The following NRG3 variants were observed in gnomAD, a reference collection of about 807,000 sequenced individuals.
NRG3 encodes pro-neuregulin-3, membrane-bound isoform.
A neutral mutation model predicts 66.9 loss-of-function variants in NRG3; 31 were observed. That is an observed-to-expected ratio of 0.46 (90% CI 0.35 to 0.63). NRG3 has a LOEUF of 0.63. Ranked by LOEUF, NRG3 falls within the 20% of genes least tolerant of loss-of-function variation. The pLI, the probability that NRG3 is intolerant of heterozygous loss-of-function variation, is 0.00. For synonymous variants in NRG3, 393 were observed against 359.4 expected (o/e 1.09, Z -1.06); for missense variants, 910 against 878.9 (o/e 1.04, Z -0.45).
At chr10:82,589,715 G>A (rs1415379019) in intron 2 of NRG3, among the ~76,000 whole-genome samples, 1 of 152,110 alleles carries the variant, frequency 6.6e-6, no homozygotes, top group African/African-American at 2.4e-5. Flanking sequence ...AATGAATCAG[G>A]TAACTGAGAT....
At chr10:82,424,874 G>A (rs1446860073) in intron 2 of NRG3, among the ~76,000 whole-genome samples, 2 of 151,710 alleles carry the variant, frequency 1.3e-5, no homozygotes, top group African/African-American at 2.4e-5. Context: ...AGTTGTCTCA[G>A]CAGTTTATTT....
At chr10:82,018,051 G>T (rs1355924361) in intron 1 of NRG3, among the ~76,000 whole-genome samples, 1 of 151,974 alleles carries the variant, frequency 6.6e-6, no homozygotes, top group East Asian at 1.9e-4. Context: ...TTTCTTCTAG[G>T]GTTTTTATGG....
chr10:82,684,764 T>C (rs951839679), intron 2 of NRG3, among the ~76,000 whole-genome samples: 7 of 151,924 alleles, frequency 4.6e-5, no homozygotes, highest in African/African-American at 1.7e-4. Flanking sequence ...GGAGAGAGGA[T>C]CAAAGCTGTG....
At chr10:82,587,714 G>T (rs982701020) in intron 2 of NRG3, among the ~76,000 whole-genome samples, 2 of 152,186 alleles carry the variant, frequency 1.3e-5, no homozygotes. Flanking sequence ...CCATGAATCA[G>T]AGAGCACAGG....
chr10:82,289,664 A>G (rs563359937), intron 1 of NRG3, among the ~76,000 whole-genome samples: 1 of 152,278 alleles, frequency 6.6e-6, no homozygotes, highest in African/African-American at 2.4e-5. Flanking sequence ...GTTTTGTATA[A>G]TATATACCTT....
rs148437606 is a variant in NRG3 at position 82,014,613 on chromosome 10, G to A, written c.823+138450G>A. 1.6e-4 allele frequency among the ~76,000 whole-genome samples: 24 copies of A among 152,296 alleles called. 2 individuals carry two copies. The South Asian group carries it at 4.1e-3, about 26-fold the overall frequency. Reference sequence around the variant, plus strand: ...CTAAATCTGTCATGCAAGCAAGAAAGATTTGTGTTGGAATTGAAGAACGGG... The same window carrying A: ...CTAAATCTGTCATGCAAGCAAGAAAAATTTGTGTTGGAATTGAAGAACGGG... On this transcript the variant is annotated intron_variant, in intron 1 of 8. Transcript: ENST00000372141.
At chr10:82,491,316 A>ATATATATATATATATACATAT (rs1389375279) in intron 2 of NRG3, among the ~76,000 whole-genome samples, 12 of 136,800 alleles carry the variant, frequency 8.8e-5, no homozygotes, top group East Asian at 4.1e-4. Flanking sequence ...ATATATATAT[A>ATATATATATATATATACATAT]AAATAAAGAT....
chr10:82,325,253 T>C (rs1305469406), intron 1 of NRG3, among the ~76,000 whole-genome samples: 1 of 151,826 alleles, frequency 6.6e-6, no homozygotes, highest in African/African-American at 2.4e-5. Context: ...GAGATCATGG[T>C]TCACTGCAGC....
At position 82,496,935 on chromosome 10, in the gene NRG3, A is replaced by G. The variant is rs772096762; in HGVS notation, c.953+138067A>G. Among the ~76,000 whole-genome samples, 136 of 152,192 alleles carry G rather than the reference A, an allele frequency of 8.9e-4. 1 individual carries two copies. Among genetic ancestry groups the G allele is most frequent in the Non-Finnish European group, 1.7e-3 (119 of 68,010 alleles). ...TGGAATACATTGATTTTCATATTTA[A>G]TATCTAAATTTGTGAAATATTCTGC... On this transcript the variant is annotated intron_variant, in intron 2 of 8. Coordinates refer to ENST00000372141, the MANE Select transcript of NRG3 (RefSeq NM_001010848.4).
intron 1 of NRG3, among the ~76,000 whole-genome samples, chr10:82,292,405 C>A (rs1016623989): frequency 6.6e-6 from 1 of 152,098 alleles, no homozygotes; most frequent in Non-Finnish European, 1.5e-5. Flanking sequence ...GGTACAACCA[C>A]TCTGGAAAAC....
At chr10:82,374,450 A>G (rs148986422) in intron 2 of NRG3, among the ~76,000 whole-genome samples, 222 of 152,324 alleles carry the variant, frequency 1.5e-3, no homozygotes, top group Non-Finnish European at 2.5e-3. Context: ...GGTTATAAAT[A>G]TAGATTCTCA....
intron 3 of NRG3, among the ~76,000 whole-genome samples, chr10:82,829,708 A>T (rs1353646307): frequency 1.3e-5 from 2 of 152,180 alleles, no homozygotes; most frequent in African/African-American, 4.8e-5. Flanking sequence ...AGTAACCTAG[A>T]GATGAATATC....
chr10:82,592,131 A>G (rs1396076080), intron 2 of NRG3, among the ~76,000 whole-genome samples: 2 of 152,188 alleles, frequency 1.3e-5, no homozygotes, highest in Admixed American at 1.3e-4. Context: ...ATACAAACAA[A>G]CATGTAATGG....
At position 82,111,786 on chromosome 10, in the gene NRG3, A is replaced by G. The variant is rs11594101; in HGVS notation, c.823+235623A>G. Reference sequence around the variant, plus strand: ...ACCAGCCCAGTAGGCCTATCAAATTATGAAGCTTGTCTTGTCTTGACTAAT... The same window carrying G: ...ACCAGCCCAGTAGGCCTATCAAATTGTGAAGCTTGTCTTGTCTTGACTAAT... On this transcript the variant is annotated intron_variant, in intron 1 of 8. Coordinates refer to ENST00000372141, the MANE Select transcript of NRG3 (RefSeq NM_001010848.4). Among the ~76,000 whole-genome samples, 1,341 of 152,328 alleles carry G rather than the reference A, an allele frequency of 8.8e-3. 4 individuals are homozygous for G. Among genetic ancestry groups the G allele is most frequent in the Non-Finnish European group, 0.014 (942 of 68,022 alleles).
At chr10:82,643,664 T>C (rs530536011) in intron 2 of NRG3, among the ~76,000 whole-genome samples, 12 of 152,206 alleles carry the variant, frequency 7.9e-5, no homozygotes, top group African/African-American at 2.9e-4. Context: ...TCTCCAAAAT[T>C]TATCTGTTTT....
At chr10:81,934,702 A>G (rs1439118018) in intron 1 of NRG3, among the ~76,000 whole-genome samples, 1 of 152,034 alleles carries the variant, frequency 6.6e-6, no homozygotes, top group Non-Finnish European at 1.5e-5. Context: ...GGGATTTGCA[A>G]TTTTTTGCTA....
chr10:82,498,760 G>A (rs780163708), intron 2 of NRG3, among the ~76,000 whole-genome samples: 2 of 152,268 alleles, frequency 1.3e-5, no homozygotes, highest in African/African-American at 2.4e-5. Context: ...CCTGTTGCCT[G>A]TCACTCAATG....
intron 1 of NRG3, among the ~76,000 whole-genome samples, chr10:82,017,459 T>C (rs1470100454): frequency 6.6e-6 from 1 of 152,154 alleles, no homozygotes; most frequent in African/African-American, 2.4e-5. Context: ...TACCCAGTAA[T>C]GGGATGGCTG....
intron 3 of NRG3, among the ~76,000 whole-genome samples, chr10:82,792,718 T>C (rs915128759): frequency 1.3e-5 from 2 of 152,136 alleles, no homozygotes; most frequent in African/African-American, 4.8e-5. Flanking sequence ...TTTGCTCTTG[T>C]AGCCCAGGCT....
Sources: gnomAD v4.1 joint callset for allele counts (sites outside exome capture counted in the v4.1 genomes callset) on GRCh38, gnomAD v4.1.1 for gene constraint, MANE v1.5 for transcripts, NCBI Gene and HGNC (gene_info 2026-07-23, HGNC 2026-07-21) for gene names.